CYTH1: variants seen among roughly 807,000 people sequenced by gnomAD.
The protein encoded by CYTH1 is cytohesin 1.
In CYTH1, 18 loss-of-function variants were observed where a neutral mutation model predicts 61.8. That is an observed-to-expected ratio of 0.29 (90% confidence interval 0.20 to 0.43). The LOEUF (loss-of-function observed/expected upper bound fraction) is 0.43, where lower values mean the gene tolerates loss of function less well. CYTH1 is among the 20% of genes least tolerant of loss of function. The probability of loss-of-function intolerance (pLI) is 1.00; values close to 1 mark genes in which losing one functional copy is unlikely to be tolerated. For synonymous variants in CYTH1, 174 were observed against 184.3 expected (o/e 0.94, Z 0.45); for missense variants, 336 against 510.5 (o/e 0.66, Z 3.29).
At chr17:78,773,836 A>G (rs1425843424) in intron 1 of CYTH1, among the ~76,000 whole-genome samples, 3 of 152,202 alleles carry the variant, frequency 2.0e-5, no homozygotes, top group Non-Finnish European at 4.4e-5. Context: ...AAACTGATAC[A>G]CATTTTCCCC....
At chr17:78,766,396 C>G (rs1171043168) in intron 1 of CYTH1, among the ~76,000 whole-genome samples, 1 of 152,124 alleles carries the variant, frequency 6.6e-6, no homozygotes, top group Non-Finnish European at 1.5e-5. Context: ...GTGGCCCAAC[C>G]ACAAAACATG....
At chr17:78,778,486 A>T (rs2093502556) in intron 1 of CYTH1, among the ~76,000 whole-genome samples, 1 of 151,300 alleles carries the variant, frequency 6.6e-6, no homozygotes, top group Non-Finnish European at 1.5e-5. Context: ...AAAAACACAA[A>T]AATCAGCCGG....
intron 3 of CYTH1, among the ~76,000 whole-genome samples, chr17:78,704,877 AGGT>A (rs1256717618): frequency 1.3e-5 from 2 of 152,302 alleles, no homozygotes; most frequent in East Asian, 3.9e-4. Context: ...CAGAACTTCC[AGGT>A]GTAAGATAAT....
At chr17:78,732,032 G>C (rs192904763) in intron 1 of CYTH1, among the ~76,000 whole-genome samples, 1 of 152,238 alleles carries the variant, frequency 6.6e-6, no homozygotes, top group East Asian at 1.9e-4. Flanking sequence ...CACAGGGAGG[G>C]GTGGATGAAA....
At chr17:78,770,011 A>G (rs2093464200) in intron 1 of CYTH1, among the ~76,000 whole-genome samples, 1 of 152,068 alleles carries the variant, frequency 6.6e-6, no homozygotes, top group Non-Finnish European at 1.5e-5. Context: ...TGAGCTGGGC[A>G]TGGTGGCGTG....
chr17:78,681,051 C>A lies in CYTH1; in HGVS notation c.892-9G>T. ...CCACGGGGCTCCTTATCCTACAGAA[C>A]AGTTGAAGAGAGGAAGTTTAAGATC... On this transcript the variant is annotated splice_polypyrimidine_tract_variant and intron_variant, in intron 11 of 13. Transcript: ENST00000446868. The A allele has an allele frequency of 6.2e-7, 1 of 1,612,932 alleles. No individual in the cohort carries two copies. The highest frequency in any genetic ancestry group is 8.5e-7 in the Non-Finnish European group (1 of 1,179,696).
intron 1 of CYTH1, among the ~76,000 whole-genome samples, chr17:78,764,866 C>G (rs1010797731): frequency 6.6e-6 from 1 of 151,920 alleles, no homozygotes; most frequent in African/African-American, 2.4e-5. Flanking sequence ...TGTGGAGTTT[C>G]CACTTCAGCT....
At chr17:78,723,569 T>C (rs2093248177) in intron 1 of CYTH1, 1 of 152,428 alleles carries the variant, frequency 6.6e-6, no homozygotes, top group African/African-American at 2.4e-5. Flanking sequence ...GAGTGTGTGC[T>C]GCTCCGCTCC....
chr17:78,717,483 C>T lies in CYTH1; in HGVS notation c.23-7751G>A, dbSNP rs188362864. ...AGGAAAGCCACACAAGGGAAGCTTT[C>T]ATTTATTTATTTATTTAAATGTTGC... On this transcript the variant is annotated intron_variant, in intron 1 of 13. Transcript: ENST00000446868. This position sits in a 1 kb window ranked among gnomAD's most constrained non-coding sequence, Gnocchi z 4.4. Among the ~76,000 whole-genome samples the T allele has an allele frequency of 4.6e-5, 7 of 152,278 alleles. No individual in the cohort carries two copies. In the East Asian group the frequency reaches 1.3e-3, roughly 29 times the overall value.
chr17:78,758,201 A>G (rs1053503089), intron 1 of CYTH1, among the ~76,000 whole-genome samples: 3 of 152,228 alleles, frequency 2.0e-5, no homozygotes, highest in Non-Finnish European at 4.4e-5. Flanking sequence ...CTAAATAACA[A>G]GACAGGATGA....
chr17:78,688,382 C>T (rs542143311), intron 11 of CYTH1, among the ~76,000 whole-genome samples: 11 of 152,324 alleles, frequency 7.2e-5, no homozygotes, highest in African/African-American at 2.2e-4. Context: ...TTGTCAACAT[C>T]GGTAGACTCG....
chr17:78,687,644 A>G (rs1305109491), intron 11 of CYTH1, among the ~76,000 whole-genome samples: 1 of 152,110 alleles, frequency 6.6e-6, no homozygotes, highest in Admixed American at 6.5e-5. Flanking sequence ...CAATCTCTCT[A>G]ATGTTTGAAA....
intron 1 of CYTH1, among the ~76,000 whole-genome samples, chr17:78,726,333 C>T (rs1280523667): frequency 1.3e-5 from 2 of 152,086 alleles, no homozygotes; most frequent in South Asian, 2.1e-4. Context: ...TGAGCCACCG[C>T]GCCCGGCCTC....
chr17:78,746,170 C>G (rs1328707992), intron 1 of CYTH1, among the ~76,000 whole-genome samples: 1 of 151,940 alleles, frequency 6.6e-6, no homozygotes, highest in Non-Finnish European at 1.5e-5. Flanking sequence ...GTGATGGGTG[C>G]TATGGGGAAA....
Position 78,707,743 on chromosome 17 carries a change from C to T in CYTH1, c.170+454G>A, listed in dbSNP as rs962764248. ...GTCACCAGGCTGGAGTGCAGTGGCG[C>T]GATCTCAGCTCACTGCAACCTCCAC... is the stretch of plus-strand genomic sequence containing the variant. On this transcript the variant is annotated intron_variant, in intron 3 of 13. Coordinates refer to ENST00000446868, the MANE Select transcript of CYTH1 (RefSeq NM_004762.6). 4.6e-5 allele frequency among the ~76,000 whole-genome samples: 7 copies of T among 150,582 alleles called. No individual in the cohort carries two copies. The South Asian group carries it at 6.3e-4, about 14-fold the overall frequency.
At chr17:78,748,608 T>G (rs190509735) in intron 1 of CYTH1, among the ~76,000 whole-genome samples, 1 of 152,188 alleles carries the variant, frequency 6.6e-6, no homozygotes, top group Non-Finnish European at 1.5e-5. Context: ...ATTCATTGGG[T>G]TTTCTGTATA....
chr17:78,724,538 C>T (rs1347113365), intron 1 of CYTH1, among the ~76,000 whole-genome samples: 1 of 152,178 alleles, frequency 6.6e-6, no homozygotes, highest in Non-Finnish European at 1.5e-5. Context: ...CCACTAGGTG[C>T]CAGCAGCATC....
At chr17:78,713,533 G>A (rs530705997) in intron 1 of CYTH1, among the ~76,000 whole-genome samples, 51 of 152,104 alleles carry the variant, frequency 3.4e-4, no homozygotes, top group African/African-American at 8.7e-4. Context: ...CAGAGCAATC[G>A]TATAAAAGAA....
chr17:78,687,445 C>T (rs1027191641), intron 11 of CYTH1, among the ~76,000 whole-genome samples: 1 of 152,202 alleles, frequency 6.6e-6, no homozygotes, highest in Non-Finnish European at 1.5e-5. Context: ...TTTAAGGCCA[C>T]TGTCATTTGC....
Sources: gnomAD v4.1 joint callset for allele counts (sites outside exome capture counted in the v4.1 genomes callset) on GRCh38, gnomAD v4.1.1 for gene constraint, Gnocchi (gnomAD v3.1) non-coding constraint, MANE v1.5 for transcripts, NCBI Gene and HGNC (gene_info 2026-07-23, HGNC 2026-07-21) for gene names.